PDE4D: variants seen among roughly 807,000 people sequenced by gnomAD.
The protein encoded by PDE4D is phosphodiesterase 4D, also known as 3',5'-cyclic-AMP phosphodiesterase 4D.
Under a neutral mutation model 87.4 loss-of-function variants are expected in PDE4D, and 24 were observed. The ratio of observed to expected loss-of-function variants is 0.27; its 90% CI spans 0.20 to 0.39. The LOEUF (loss-of-function observed/expected upper bound fraction) is 0.39. Ranked by LOEUF, PDE4D falls within the 10% of genes least tolerant of loss-of-function variation. The pLI is 1.00. For missense variants in PDE4D, 714 were observed against 1,041.0 expected, an observed-to-expected ratio of 0.69 and a Z score of 4.32; for synonymous variants, 384 against 383.2, an observed-to-expected ratio of 1.00 and a Z score of -0.02.
At chr5:59,643,820 G>T (rs2150205475) in intron 1 of PDE4D, among the ~76,000 whole-genome samples, 1 of 152,260 alleles carries the variant, frequency 6.6e-6, no homozygotes, top group Non-Finnish European at 1.5e-5. Flanking sequence ...GTGGATTAAA[G>T]TTTTCCTAAC....
At chr5:59,235,466 A>C (rs529457550) in intron 1 of PDE4D, among the ~76,000 whole-genome samples, 11 of 152,280 alleles carry the variant, frequency 7.2e-5, no homozygotes, top group African/African-American at 2.6e-4. Flanking sequence ...GAAAAATCTG[A>C]GGCTCAGGAA....
chr5:59,664,920 A>G (rs966625331), intron 1 of PDE4D, among the ~76,000 whole-genome samples: 4 of 152,306 alleles, frequency 2.6e-5, no homozygotes, highest in Admixed American at 1.3e-4. Flanking sequence ...GTAAAATGCC[A>G]TCTATCTCCA....
intron 2 of PDE4D, among the ~76,000 whole-genome samples, chr5:60,012,583 G>A (rs1011901686): frequency 4.2e-5 from 6 of 143,794 alleles, no homozygotes; most frequent in African/African-American, 7.4e-5. Context: ...CAAGGAAGAC[G>A]ACTGCTATAA....
chr5:59,437,753 G>T (rs981967368), intron 1 of PDE4D, among the ~76,000 whole-genome samples: 1 of 151,896 alleles, frequency 6.6e-6, no homozygotes, highest in Non-Finnish European at 1.5e-5. Flanking sequence ...CATGCATCAA[G>T]ACAGGACTGA....
intron 5 of PDE4D, among the ~76,000 whole-genome samples, chr5:59,152,291 A>G (rs957196565): frequency 4.6e-5 from 7 of 152,116 alleles, no homozygotes; most frequent in Non-Finnish European, 8.8e-5. Flanking sequence ...AGAAAATAAT[A>G]AAATGGAGGA....
At chr5:60,465,854 T>C (rs888479530) in intron 1 of PDE4D, among the ~76,000 whole-genome samples, 2 of 151,490 alleles carry the variant, frequency 1.3e-5, no homozygotes, top group Admixed American at 6.6e-5. Flanking sequence ...TGAATATCTC[T>C]TGTAATTTTA....
intron 1 of PDE4D, among the ~76,000 whole-genome samples, chr5:60,509,315 C>T (rs1463610280): frequency 2.0e-5 from 3 of 152,212 alleles, no homozygotes; most frequent in African/African-American, 4.8e-5. Flanking sequence ...GGCTGAAACA[C>T]GATGGCTGAG....
rs1043544080 is a variant in PDE4D at position 58,994,611 on chromosome 5, A to G, written c.922-1146T>C. Among the ~76,000 whole-genome samples, 5 of 152,322 alleles carry G rather than the reference A, an allele frequency of 3.3e-5. No homozygotes were observed. In the South Asian group the frequency reaches 8.3e-4, roughly 25 times the overall value. The stretch of plus-strand genomic sequence containing the variant: ...AAGGTAAGTGTTGAATGTATATTTT[A>G]GTGATGTTTGAAATATAATTCTTAG... On this transcript the variant is annotated intron_variant, in intron 6 of 14. Coordinates refer to ENST00000340635, the MANE Select transcript of PDE4D (RefSeq NM_001104631.2).
chr5:59,495,753 C>G (rs1205289737), intron 1 of PDE4D, among the ~76,000 whole-genome samples: 1 of 152,128 alleles, frequency 6.6e-6, no homozygotes, highest in Non-Finnish European at 1.5e-5. Flanking sequence ...CCCTTGTCCC[C>G]CTTGCAAGGT....
Position 59,181,543 on chromosome 5 carries a change from G to GATATATATATATATATATATATATATAT in PDE4D, c.759-927_759-900dup, listed in dbSNP as rs3061466. Reference sequence around the variant, plus strand: ...CTTTTAGATACATTCAAAGATGTCTGATATATATATATATATATATATATA... The same window carrying GATATATATATATATATATATATATATAT: ...CTTTTAGATACATTCAAAGATGTCTGATATATATATATATATATATATATATATATATATATATATATATATATATATA... On this transcript the variant is annotated intron_variant, in intron 4 of 14. Transcript: ENST00000340635. 5.0e-4 allele frequency among the ~76,000 whole-genome samples: 60 copies of GATATATATATATATATATATATATATAT among 118,870 alleles called. 1 individual carries two copies. The highest frequency in any genetic ancestry group is 1.7e-3 in the African/African-American group (45 of 26,380). 78.0% of individuals were successfully genotyped at this position (118,870 alleles called of 152,430 possible).
intron 6 of PDE4D, among the ~76,000 whole-genome samples, chr5:59,006,443 G>A (rs13328174): frequency 0.1 from 15,424 of 152,076 alleles, 1,040 homozygotes; most frequent in Non-Finnish European, 0.13. Flanking sequence ...GCATGTGCTT[G>A]TAGTTCCAGA....
chr5:59,401,647 G>A lies in PDE4D; in HGVS notation c.456-185679C>T, dbSNP rs561169989. On this transcript the variant is annotated intron_variant, in intron 1 of 14. Coordinates refer to ENST00000340635, the MANE Select transcript of PDE4D (RefSeq NM_001104631.2). Reference sequence around the variant, plus strand: ...CTGAAATGTTAGGGGTTCTCAGTGGGTTATTTGTCTCTTTCTATTAAACTC... The same window carrying A: ...CTGAAATGTTAGGGGTTCTCAGTGGATTATTTGTCTCTTTCTATTAAACTC... 3.9e-5 allele frequency among the ~76,000 whole-genome samples: 6 copies of A among 152,152 alleles called. No homozygotes were observed. In the East Asian group the frequency reaches 1.2e-3, roughly 29 times the overall value.
intron 1 of PDE4D, among the ~76,000 whole-genome samples, chr5:60,341,508 C>A (rs1242055548): frequency 1.3e-5 from 2 of 152,136 alleles, no homozygotes; most frequent in Non-Finnish European, 2.9e-5. Flanking sequence ...CTATGGTCAC[C>A]ACTCCCCAGG....
At chr5:60,391,005 A>G (rs1159694658) in intron 1 of PDE4D, among the ~76,000 whole-genome samples, 1 of 152,050 alleles carries the variant, frequency 6.6e-6, no homozygotes. Flanking sequence ...ACACACACAC[A>G]CTGCTTCCTA....
chr5:59,253,788 C>G (rs966858042), intron 1 of PDE4D, among the ~76,000 whole-genome samples: 3 of 151,958 alleles, frequency 2.0e-5, no homozygotes, highest in African/African-American at 7.3e-5. Context: ...TATTCTTCCT[C>G]CAGCTGGAAA....
chr5:60,323,912 A>C (rs931632350), intron 1 of PDE4D, among the ~76,000 whole-genome samples: 2 of 151,834 alleles, frequency 1.3e-5, no homozygotes, highest in Non-Finnish European at 2.9e-5. Flanking sequence ...CTTCTGAGCT[A>C]TTCCCTCTGA....
intron 1 of PDE4D, among the ~76,000 whole-genome samples, chr5:60,234,686 T>C (rs1262744207): frequency 2.0e-5 from 3 of 151,854 alleles, no homozygotes; most frequent in African/African-American, 4.8e-5. Flanking sequence ...ACTTTCTTTG[T>C]GGGAAATTTT....
At chr5:59,119,738 T>G (rs1011607790) in intron 5 of PDE4D, among the ~76,000 whole-genome samples, 16 of 152,314 alleles carry the variant, frequency 1.1e-4, no homozygotes, top group Admixed American at 3.3e-4. Context: ...AGAGGAAACA[T>G]TCTATGATCC....
intron 2 of PDE4D, among the ~76,000 whole-genome samples, chr5:60,128,477 C>T (rs377371248): frequency 3.9e-5 from 6 of 152,264 alleles, no homozygotes; most frequent in African/African-American, 1.2e-4. Context: ...TCATAGGAAA[C>T]ATCTCTGGGT....
Sources: allele counts gnomAD v4.1 joint callset (sites outside exome capture counted in the v4.1 genomes callset), GRCh38; gene constraint gnomAD v4.1.1; transcripts MANE v1.5; gene names NCBI Gene and HGNC (gene_info 2026-07-23, HGNC 2026-07-21).